MGMT: variants seen among roughly 807,000 people sequenced by gnomAD.
MGMT encodes the protein O-6-methylguanine-DNA methyltransferase, also known as methylated-DNA--protein-cysteine methyltransferase.
Under a neutral mutation model 15.9 loss-of-function variants are expected in MGMT, and 14 were observed. That is an observed-to-expected ratio of 0.88 (90% CI 0.58 to 1.37). MGMT has a LOEUF of 1.37. Among genes scored for constraint, MGMT ranks in the 40% most tolerant of loss-of-function variants. MGMT has a pLI of 0.00. For synonymous variants in MGMT, 130 were observed against 118.2 expected (o/e 1.10, Z -0.65); for missense variants, 282 against 268.1 (o/e 1.05, Z -0.36).
chr10:129,552,635 C>T (rs533546924), intron 2 of MGMT, among the ~76,000 whole-genome samples: 26 of 152,314 alleles, frequency 1.7e-4, no homozygotes, highest in African/African-American at 5.8e-4. Context: ...GTCTGGTTAG[C>T]GGGAGACATG....
At chr10:129,650,359 G>C (rs1847442730) in intron 2 of MGMT, among the ~76,000 whole-genome samples, 1 of 152,228 alleles carries the variant, frequency 6.6e-6, no homozygotes, top group Admixed American at 6.5e-5. Context: ...CGCCAAGCTA[G>C]AGGACGCGAG....
At chr10:129,657,707 G>GCGCACACACA (rs1554874808) in intron 2 of MGMT, among the ~76,000 whole-genome samples, 16 of 111,562 alleles carry the variant, frequency 1.4e-4, no homozygotes, top group African/African-American at 4.2e-4. Flanking sequence ...ACACACACAC[G>GCGCACACACA]CACACACACA....
At chr10:129,485,361 C>T (rs1845397867) in intron 1 of MGMT, among the ~76,000 whole-genome samples, 1 of 152,190 alleles carries the variant, frequency 6.6e-6, no homozygotes, top group African/African-American at 2.4e-5. Context: ...GACCCTCCTC[C>T]TCCTTGGCAC....
At chr10:129,720,942 G>GAAAA (rs5788995) in intron 3 of MGMT, among the ~76,000 whole-genome samples, 13 of 144,234 alleles carry the variant, frequency 9.0e-5, no homozygotes, top group African/African-American at 3.2e-4. Context: ...ATGTCAGGGG[G>GAAAA]AAAAAAAAAA....
rs116700602 is a variant in MGMT, at chr10:129,602,282, C to T, written c.125+65905C>T. Among the ~76,000 whole-genome samples, 348 of 152,038 alleles carry T rather than the reference C, an allele frequency of 2.3e-3. 1 individual carries two copies. The highest frequency in any genetic ancestry group is 8.0e-3 in the African/African-American group (330 of 41,468). On this transcript the variant is annotated intron_variant, in intron 2 of 4. Coordinates refer to ENST00000651593, the MANE Select transcript of MGMT (RefSeq NM_002412.5). ...ATGTTGTGAGTGTCACTTTACTAGT[C>T]AGGCATGTTGAAAAGGAACGCGCTT...
chr10:129,523,649 G>A (rs934919969), intron 1 of MGMT, among the ~76,000 whole-genome samples: 1 of 152,096 alleles, frequency 6.6e-6, no homozygotes, highest in Non-Finnish European at 1.5e-5. Context: ...CGGGATTTGG[G>A]GACTGTGAAA....
intron 1 of MGMT, among the ~76,000 whole-genome samples, chr10:129,509,437 C>T (rs1050940782): frequency 1.3e-5 from 2 of 152,138 alleles, no homozygotes; most frequent in Non-Finnish European, 2.9e-5. Context: ...GTGCCTGGCA[C>T]ATTCGGATTT....
intron 1 of MGMT, among the ~76,000 whole-genome samples, chr10:129,535,391 G>A (rs1025259438): frequency 2.6e-5 from 4 of 151,978 alleles, no homozygotes; most frequent in Admixed American, 6.6e-5. Flanking sequence ...GCAAGACCTC[G>A]TCTCTAAAAA....
intron 3 of MGMT, among the ~76,000 whole-genome samples, chr10:129,747,225 CT>C (rs1848704746): frequency 6.6e-6 from 1 of 152,140 alleles, no homozygotes; most frequent in Non-Finnish European, 1.5e-5. Flanking sequence ...ATTATGTTGT[CT>C]GCAAATAGGG....
chr10:129,634,264 A>G (rs1348793174), intron 2 of MGMT, among the ~76,000 whole-genome samples: 1 of 152,064 alleles, frequency 6.6e-6, no homozygotes, highest in Non-Finnish European at 1.5e-5. Context: ...TTCCTCTGGT[A>G]GGTTGTAAGG....
intron 2 of MGMT, among the ~76,000 whole-genome samples, chr10:129,544,450 G>A (rs909396813): frequency 6.6e-6 from 1 of 152,252 alleles, no homozygotes; most frequent in Admixed American, 6.5e-5. Flanking sequence ...TTAGAGGCTT[G>A]TGGGGGTTTG....
chr10:129,752,688 A>G (rs926480612), intron 3 of MGMT, among the ~76,000 whole-genome samples: 1 of 151,968 alleles, frequency 6.6e-6, no homozygotes, highest in African/African-American at 2.4e-5. Flanking sequence ...TCACTGTTTT[A>G]CCTTTTTAAG....
At chr10:129,604,740 CCCT>C (rs1564866087) in intron 2 of MGMT, among the ~76,000 whole-genome samples, 1 of 140,976 alleles carries the variant, frequency 7.1e-6, no homozygotes, top group Non-Finnish European at 1.6e-5. Flanking sequence ...CCGCCCCACC[CCCT>C]CCCCCCGGCT....
chr10:129,600,643 TAATC>T (rs1846809902), intron 2 of MGMT, among the ~76,000 whole-genome samples: 1 of 152,140 alleles, frequency 6.6e-6, no homozygotes, highest in African/African-American at 2.4e-5. Flanking sequence ...AAAATTAAAT[TAATC>T]AAGTGAGGTA....
At chr10:129,720,942 G>GAAA (rs5788995) in intron 3 of MGMT, among the ~76,000 whole-genome samples, 7,632 of 144,112 alleles carry the variant, frequency 0.053, 459 homozygotes, top group African/African-American at 0.16. Flanking sequence ...ATGTCAGGGG[G>GAAA]AAAAAAAAAA....
At chr10:129,762,784 C>G (rs551349839) in intron 4 of MGMT, among the ~76,000 whole-genome samples, 1 of 152,120 alleles carries the variant, frequency 6.6e-6, no homozygotes, top group African/African-American at 2.4e-5. Flanking sequence ...GCCCGTCACC[C>G]GGATGGCTGC....
Position 129,766,989 on chromosome 10 carries a change from C to A in MGMT, c.616C>A (p.Arg206=). Residue 206 remains arginine, a synonymous_variant, in exon 5 of 5, where the codon CGA becomes AGA. Transcript: ENST00000651593. ...TACCTCGGGCTCCCCGCCTGCTGGC[C>A]GAAACTGAGTATGTGCAGTAGGATG... is the stretch of plus-strand genomic sequence containing the variant. The part of the protein sequence containing the change: ...GATSGSPPAG[R]N 6.3e-7 allele frequency: 1 copy of A among 1,598,812 alleles called. No individual in the cohort carries two copies. The highest frequency in any genetic ancestry group is 1.1e-5 in the South Asian group (1 of 88,692).
At chr10:129,762,218 A>G (rs1238713774) in intron 4 of MGMT, among the ~76,000 whole-genome samples, 1 of 152,176 alleles carries the variant, frequency 6.6e-6, no homozygotes, top group Non-Finnish European at 1.5e-5. Flanking sequence ...AACATCCCTT[A>G]TATTCAGGAT....
intron 3 of MGMT, among the ~76,000 whole-genome samples, chr10:129,738,066 C>T (rs1163526891): frequency 2.0e-5 from 3 of 152,240 alleles, no homozygotes; most frequent in East Asian, 1.9e-4. Flanking sequence ...CCTCCTTGAG[C>T]TGTGGTGGGC....
Sources: gnomAD v4.1 joint callset for allele counts (sites outside exome capture counted in the v4.1 genomes callset) on GRCh38, gnomAD v4.1.1 for gene constraint, MANE v1.5 for transcripts, NCBI Gene and HGNC (gene_info 2026-07-23, HGNC 2026-07-21) for gene names.